The following LSAMP variants were observed in gnomAD, a reference collection of about 807,000 sequenced individuals.
The protein encoded by LSAMP is limbic system-associated membrane protein.
A neutral mutation model predicts 38.6 loss-of-function variants in LSAMP; 7 were observed. The observed-to-expected ratio is 0.18, with a 90% confidence interval of 0.10 to 0.34. LSAMP has a LOEUF of 0.34. LSAMP is among the 10% of genes least tolerant of loss of function. The pLI is 1.00. For missense variants in LSAMP, 313 were observed against 420.0 expected, an observed-to-expected ratio of 0.75 and a Z score of 2.23; for synonymous variants, 154 against 166.8, an observed-to-expected ratio of 0.92 and a Z score of 0.59.
At chr3:116,405,204 C>T (rs1018234052) in intron 1 of LSAMP, among the ~76,000 whole-genome samples, 3 of 152,066 alleles carry the variant, frequency 2.0e-5, no homozygotes, top group Non-Finnish European at 4.4e-5. Flanking sequence ...AGTAATTTAC[C>T]ACTCTGAACA....
chr3:116,060,437 A>AACACACAC (rs61085045), intron 2 of LSAMP, among the ~76,000 whole-genome samples: 1 of 150,730 alleles, frequency 6.6e-6, no homozygotes, highest in African/African-American at 2.4e-5. Flanking sequence ...TTACTTTTAA[A>AACACACAC]ACACACACAC....
At chr3:116,060,958 T>C (rs1941584169) in intron 2 of LSAMP, among the ~76,000 whole-genome samples, 1 of 151,810 alleles carries the variant, frequency 6.6e-6, no homozygotes, top group Admixed American at 6.6e-5. Context: ...AAATTAATTT[T>C]TAACATTTTG....
chr3:115,813,653 A>G (rs1271338072), intron 6 of LSAMP, among the ~76,000 whole-genome samples: 1 of 152,194 alleles, frequency 6.6e-6, no homozygotes, highest in African/African-American at 2.4e-5. Context: ...AAATAGGCTT[A>G]AAAATACAAG....
intron 1 of LSAMP, among the ~76,000 whole-genome samples, chr3:116,194,389 GTTT>G (rs1336693630): frequency 6.6e-6 from 1 of 151,552 alleles, no homozygotes; most frequent in East Asian, 1.9e-4. Context: ...TTGTTTGTTT[GTTT>G]GTTTGTTTGT....
At chr3:116,443,631 T>C (rs1182314297) in intron 1 of LSAMP, among the ~76,000 whole-genome samples, 1 of 152,176 alleles carries the variant, frequency 6.6e-6, no homozygotes, top group Admixed American at 6.5e-5. Context: ...TGCTCCCTGA[T>C]GCCCCAGGGT....
intron 6 of LSAMP, among the ~76,000 whole-genome samples, chr3:115,819,577 C>T (rs1185239645): frequency 6.6e-6 from 1 of 152,110 alleles, no homozygotes; most frequent in African/African-American, 2.4e-5. Context: ...TCTTAGGAAA[C>T]AGATGCTCCC....
At chr3:115,928,973 GTTTTT>G in intron 3 of LSAMP, among the ~76,000 whole-genome samples, 1 of 109,926 alleles carries the variant, frequency 9.1e-6, no homozygotes, top group Non-Finnish European at 1.8e-5. Flanking sequence ...TTTTTTGTTT[GTTTTT>G]TTTTTTTTTT....
At chr3:116,130,215 T>C (rs575191080) in intron 1 of LSAMP, among the ~76,000 whole-genome samples, 132 of 152,296 alleles carry the variant, frequency 8.7e-4, no homozygotes, top group Non-Finnish European at 1.5e-3. Context: ...TCCTATCCCC[T>C]CATTACCTGT....
At chr3:116,421,657 G>A (rs368507234) in intron 1 of LSAMP, among the ~76,000 whole-genome samples, 41 of 151,890 alleles carry the variant, frequency 2.7e-4, no homozygotes, top group African/African-American at 9.2e-4. Flanking sequence ...GAAGACATAC[G>A]AATGGCTGAT....
chr3:116,106,650 T>G (rs1708474715), intron 1 of LSAMP, among the ~76,000 whole-genome samples: 1 of 152,150 alleles, frequency 6.6e-6, no homozygotes, highest in African/African-American at 2.4e-5. Flanking sequence ...TGGTCTGTTA[T>G]CAGACTGTAT....
chr3:115,957,011 T>C (rs1938474934), intron 3 of LSAMP, among the ~76,000 whole-genome samples: 1 of 152,246 alleles, frequency 6.6e-6, no homozygotes, highest in Non-Finnish European at 1.5e-5. Flanking sequence ...CAATGATTTA[T>C]GGTCAAACTA....
intron 1 of LSAMP, among the ~76,000 whole-genome samples, chr3:116,419,401 CCT>C (rs2049093374): frequency 6.6e-6 from 1 of 152,050 alleles, no homozygotes; most frequent in Non-Finnish European, 1.5e-5. Flanking sequence ...TAGATAATCC[CCT>C]GTGTTTCTAG....
intron 3 of LSAMP, among the ~76,000 whole-genome samples, chr3:115,961,405 T>A (rs1938621619): frequency 6.6e-6 from 1 of 152,162 alleles, no homozygotes; most frequent in Non-Finnish European, 1.5e-5. Flanking sequence ...GGTCTGGGGC[T>A]TCCTTTAGAA....
intron 1 of LSAMP, among the ~76,000 whole-genome samples, chr3:116,146,906 G>T (rs895314659): frequency 6.6e-6 from 1 of 151,712 alleles, no homozygotes; most frequent in South Asian, 2.1e-4. Flanking sequence ...TCAAGGACTC[G>T]AACACTACTT....
chr3:116,078,687 A>G (rs1377728910), intron 2 of LSAMP, among the ~76,000 whole-genome samples: 1 of 152,186 alleles, frequency 6.6e-6, no homozygotes, highest in Non-Finnish European at 1.5e-5. Flanking sequence ...TATTGTAATT[A>G]TTTCTTTCAA....
At chr3:115,911,647 G>A (rs746835917) in intron 3 of LSAMP, among the ~76,000 whole-genome samples, 5 of 152,132 alleles carry the variant, frequency 3.3e-5, no homozygotes, top group Non-Finnish European at 7.3e-5. Flanking sequence ...CCTGGCCTAC[G>A]TATGGGTTTT....
intron 2 of LSAMP, among the ~76,000 whole-genome samples, chr3:116,078,277 C>CTTTATTTCTTTA (rs1707791665): frequency 2.0e-5 from 3 of 150,088 alleles, no homozygotes; most frequent in Non-Finnish European, 3.0e-5. Context: ...TTTATATCCT[C>CTTTATTTCTTTA]TTTATTTATT....
chr3:115,955,168 T>C (rs1011197976), intron 3 of LSAMP, among the ~76,000 whole-genome samples: 2 of 152,098 alleles, frequency 1.3e-5, no homozygotes, highest in African/African-American at 4.8e-5. Context: ...TCTCCTGACC[T>C]CGTGATCCGC....
At chr3:116,193,223 G>A (rs16824532) in intron 1 of LSAMP, among the ~76,000 whole-genome samples, 14,275 of 152,160 alleles carry the variant, frequency 0.094, 949 homozygotes, top group African/African-American at 0.2. Flanking sequence ...GGTTAAACAG[G>A]GATAGTAAGG....
Sources: allele counts gnomAD v4.1 joint callset (sites outside exome capture counted in the v4.1 genomes callset), GRCh38; gene constraint gnomAD v4.1.1; transcripts MANE v1.5; gene names NCBI Gene and HGNC (gene_info 2026-07-23, HGNC 2026-07-21).